PPARD: variants seen among roughly 807,000 people sequenced by gnomAD.
PPARD encodes peroxisome proliferator activated receptor delta.
Under a neutral mutation model 39.5 loss-of-function variants are expected in PPARD, and 6 were observed. That is an observed-to-expected ratio of 0.15 (90% CI 0.08 to 0.30). The LOEUF (loss-of-function observed/expected upper bound fraction) is 0.30. Among genes scored for constraint, PPARD ranks in the 10% least tolerant of loss-of-function variants. The pLI is 1.00. For missense variants in PPARD, 397 were observed against 596.8 expected, an observed-to-expected ratio of 0.67 and a Z score of 3.49; for synonymous variants, 210 against 231.3, an observed-to-expected ratio of 0.91 and a Z score of 0.83.
intron 2 of PPARD, among the ~76,000 whole-genome samples, chr6:35,409,339 TA>T (rs911488726): frequency 2.7e-5 from 4 of 150,266 alleles, no homozygotes; most frequent in African/African-American, 4.9e-5. Context: ...ACCTTATCCC[TA>T]AAAAAAAATA....
At chr6:35,402,916 C>T (rs1245685450) in intron 2 of PPARD, among the ~76,000 whole-genome samples, 4 of 152,204 alleles carry the variant, frequency 2.6e-5, no homozygotes, top group African/African-American at 7.2e-5. Context: ...AAAGCACCTG[C>T]CACGGAGACG....
intron 2 of PPARD, among the ~76,000 whole-genome samples, chr6:35,380,314 G>A (rs1264644410): frequency 2.0e-5 from 3 of 152,220 alleles, no homozygotes; most frequent in South Asian, 2.1e-4. Context: ...AATGGTTGCC[G>A]TGGTTCCACA....
intron 2 of PPARD, among the ~76,000 whole-genome samples, chr6:35,357,648 T>G (rs562618326): frequency 6.6e-6 from 1 of 152,076 alleles, no homozygotes; most frequent in Non-Finnish European, 1.5e-5. Flanking sequence ...GCAATTCTCC[T>G]ACCTCAGCCT....
chr6:35,417,138 A>C (rs1211084259), intron 3 of PPARD, among the ~76,000 whole-genome samples: 1 of 152,148 alleles, frequency 6.6e-6, no homozygotes, highest in Non-Finnish European at 1.5e-5. Context: ...CTGGGACTAC[A>C]GGCATGTGCC....
In PPARD at chr6:35,386,968, A is replaced by T. The variant is rs1436351257; in HGVS notation, c.-101-24019A>T. Among the ~76,000 whole-genome samples the T allele has an allele frequency of 2.0e-5, 3 of 149,440 alleles. No homozygotes were observed. In the East Asian group the frequency reaches 6.0e-4, roughly 30 times the overall value. Reference sequence around the variant, plus strand: ...AACCTTGGTTTATATATTTGTCAGGAGGTGGGGGAAACCTGCTTTCCCCCA... The same window carrying T: ...AACCTTGGTTTATATATTTGTCAGGTGGTGGGGGAAACCTGCTTTCCCCCA... On this transcript the variant is annotated intron_variant, in intron 2 of 7. Coordinates refer to ENST00000360694, the MANE Select transcript of PPARD (RefSeq NM_006238.5).
At chr6:35,375,468 G>A (rs573161470) in intron 2 of PPARD, among the ~76,000 whole-genome samples, 2 of 152,144 alleles carry the variant, frequency 1.3e-5, no homozygotes, top group East Asian at 1.9e-4. Flanking sequence ...CACCCACCTC[G>A]GCCTCCCAAA....
intron 2 of PPARD, among the ~76,000 whole-genome samples, chr6:35,392,223 A>G (rs1041939655): frequency 1.3e-5 from 2 of 151,250 alleles, no homozygotes; most frequent in Non-Finnish European, 2.9e-5. Context: ...CTCCTCTGTA[A>G]CGCAGCACGG....
intron 2 of PPARD, among the ~76,000 whole-genome samples, chr6:35,405,715 T>C (rs932417588): frequency 6.6e-6 from 1 of 151,950 alleles, no homozygotes; most frequent in Non-Finnish European, 1.5e-5. Context: ...CTGCAACCTC[T>C]GTCTCCCAGG....
At chr6:35,391,284 A>G (rs1763986245) in intron 2 of PPARD, among the ~76,000 whole-genome samples, 1 of 152,254 alleles carries the variant, frequency 6.6e-6, no homozygotes, top group Non-Finnish European at 1.5e-5. Flanking sequence ...ACTAGAGAAA[A>G]GTTAAAAGAA....
intron 1 of PPARD, among the ~76,000 whole-genome samples, chr6:35,342,928 T>A (rs1241747239): frequency 6.7e-6 from 1 of 149,666 alleles, no homozygotes; most frequent in Non-Finnish European, 1.5e-5. Flanking sequence ...CCCCCATAGC[T>A]GCTTGAGTGA....
chr6:35,382,030 T>G (rs1375404730), intron 2 of PPARD, among the ~76,000 whole-genome samples: 1 of 152,218 alleles, frequency 6.6e-6, no homozygotes, highest in Non-Finnish European at 1.5e-5. Flanking sequence ...TTCTTGCCTG[T>G]GGTTTGTTTC....
chr6:35,396,281 T>G (rs1327567468), intron 2 of PPARD, among the ~76,000 whole-genome samples: 1 of 151,638 alleles, frequency 6.6e-6, no homozygotes, highest in East Asian at 2.0e-4. Context: ...CTTGGCTTAC[T>G]GCAAGCTCCA....
Position 35,412,410 on chromosome 6 carries a change from C to T in PPARD, c.130+1193C>T, listed in dbSNP as rs1486924854. On this transcript the variant is annotated intron_variant, in intron 3 of 7. Transcript: ENST00000360694. This position sits in a 1 kb window ranked among gnomAD's most constrained non-coding sequence, Gnocchi z 4.1. ...TTTCAGCTGCAGGAGATCCTAGCCA[C>T]AGGCGGTGACTCAGGCAGAGGAGCA... Among the ~76,000 whole-genome samples the T allele has an allele frequency of 1.3e-5, 2 of 152,220 alleles. No homozygotes were observed. The highest frequency in any genetic ancestry group is 2.9e-5 in the Non-Finnish European group (2 of 68,038).
rs77720909 is a variant in PPARD, at chr6:35,363,031, A to G, written c.-102+15881A>G. On this transcript the variant is annotated intron_variant, in intron 2 of 7. Transcript: ENST00000360694. This position sits in a 1 kb window ranked among gnomAD's most constrained non-coding sequence, Gnocchi z 4.5. ...CTGGGCAGTAGGCAGGGATCCGAGC[A>G]TAGAGGAAGATGTTCCATGCATCAG... Among the ~76,000 whole-genome samples, 1 of 152,336 alleles carries G rather than the reference A, an allele frequency of 6.6e-6. No individual in the cohort carries two copies. Among genetic ancestry groups the G allele is most frequent in the East Asian group, 1.9e-4 (1 of 5,194 alleles).
At position 35,402,593 on chromosome 6, in the gene PPARD, G is replaced by T. The variant is rs115376357; in HGVS notation, c.-101-8394G>T. 4.0e-3 allele frequency among the ~76,000 whole-genome samples: 603 copies of T among 152,254 alleles called. 4 individuals carry two copies. The highest frequency in any genetic ancestry group is 0.013 in the African/African-American group (538 of 41,528). ...ATGGGAAGAATTGTGGAATGCGTGG[G>T]TGGCCTCCTGGCTGTCTTTTCTCTG... is the stretch of plus-strand genomic sequence containing the variant. On this transcript the variant is annotated intron_variant, in intron 2 of 7. Transcript: ENST00000360694.
intron 4 of PPARD, 27 bp downstream of exon 4, chr6:35,420,308 G>A (rs1363525394): frequency 6.6e-7 from 1 of 1,524,072 alleles, no homozygotes; most frequent in Non-Finnish European, 8.8e-7. Flanking sequence ...GCGGTGGCTG[G>A]CCACTGAGGC....
chr6:35,420,421 C>G (rs1766070819), intron 4 of PPARD, 140 bp downstream of exon 4: 38 of 1,197,590 alleles, frequency 3.2e-5, no homozygotes, highest in Non-Finnish European at 4.1e-5. Flanking sequence ...GCAGCCAGGC[C>G]CTTGTGCTCC....
chr6:35,421,598 T>C (rs568224880), intron 4 of PPARD, among the ~76,000 whole-genome samples: 4 of 149,614 alleles, frequency 2.7e-5, no homozygotes, highest in East Asian at 2.0e-4. Context: ...CCTCGGCCTC[T>C]CAAAGTGCTG....
intron 3 of PPARD, among the ~76,000 whole-genome samples, chr6:35,411,508 C>T (rs994861315): frequency 5.3e-5 from 8 of 152,184 alleles, no homozygotes; most frequent in Admixed American, 1.3e-4. Context: ...ATCTGTAACA[C>T]ATGTCATCAT....
Sources: allele counts gnomAD v4.1 joint callset (sites outside exome capture counted in the v4.1 genomes callset), GRCh38; gene constraint gnomAD v4.1.1; non-coding constraint Gnocchi (gnomAD v3.1); transcripts MANE v1.5; gene names NCBI Gene and HGNC (gene_info 2026-07-23, HGNC 2026-07-21).